Variants in CSTPP1 observed in about 807,000 individuals in gnomAD.
CSTPP1 encodes UPF0705 protein C11orf49.
the CSTPP1 span, chr11:47,164,232 CGGTGGGA>C: frequency 6.2e-7 from 1 of 1,613,442 alleles, no homozygotes; most frequent in Non-Finnish European, 8.5e-7. Flanking sequence ...CTACCATTAC[CGGTGGGA>C]GCCCAGAGAG....
At chr11:47,076,283 G>C in the CSTPP1 span, among the ~76,000 whole-genome samples, 1 of 152,144 alleles carries the variant, frequency 6.6e-6, no homozygotes, top group Non-Finnish European at 1.5e-5. Context: ...TATACCCCAG[G>C]TGGGATTCTG....
the CSTPP1 span, among the ~76,000 whole-genome samples, chr11:47,069,711 T>C: frequency 6.6e-6 from 1 of 152,152 alleles, no homozygotes; most frequent in African/African-American, 2.4e-5. Flanking sequence ...TATTTTATTA[T>C]TATTATTTTT....
At chr11:46,965,782 C>T in the CSTPP1 span, among the ~76,000 whole-genome samples, 1 of 152,140 alleles carries the variant, frequency 6.6e-6, no homozygotes, top group Non-Finnish European at 1.5e-5. Context: ...GTATTTATTT[C>T]ACCAAAACTA....
chr11:47,051,103 A>AC, the CSTPP1 span, among the ~76,000 whole-genome samples: 242 of 152,228 alleles, frequency 1.6e-3, 2 homozygotes, highest in Admixed American at 4.6e-3. Context: ...TCAGAGTCAG[A>AC]TTTTTCCCCC....
the CSTPP1 span, among the ~76,000 whole-genome samples, chr11:47,010,109 G>A: frequency 1.3e-5 from 2 of 152,152 alleles, no homozygotes; most frequent in African/African-American, 4.8e-5. Flanking sequence ...TCACAGAATA[G>A]TGACATTAAT....
chr11:47,162,844 C>T, the CSTPP1 span, among the ~76,000 whole-genome samples: 107 of 152,276 alleles, frequency 7.0e-4, no homozygotes, highest in African/African-American at 2.5e-3. Context: ...GAACTGCCTC[C>T]CAAACCCCTG....
chr11:46,985,237 C>T, the CSTPP1 span, among the ~76,000 whole-genome samples: 1 of 152,096 alleles, frequency 6.6e-6, no homozygotes. Context: ...AACCTTAGGT[C>T]ACCGCGATCA....
At chr11:46,976,907 C>A in the CSTPP1 span, among the ~76,000 whole-genome samples, 1 of 152,130 alleles carries the variant, frequency 6.6e-6, no homozygotes, top group Admixed American at 6.5e-5. Flanking sequence ...TTGGAAAAAA[C>A]CCTCACTTTT....
the CSTPP1 span, among the ~76,000 whole-genome samples, chr11:47,112,870 T>C: frequency 2.0e-5 from 3 of 152,318 alleles, no homozygotes; most frequent in Admixed American, 1.3e-4. Flanking sequence ...TTTTAAGTTC[T>C]AGGGTACATG....
the CSTPP1 span, among the ~76,000 whole-genome samples, chr11:46,988,052 A>G: frequency 6.6e-6 from 1 of 152,098 alleles, no homozygotes; most frequent in Non-Finnish European, 1.5e-5. Context: ...TATCCTAAAG[A>G]CAGGCAATAA....
chr11:46,990,401 A>G, the CSTPP1 span, among the ~76,000 whole-genome samples: 1 of 152,154 alleles, frequency 6.6e-6, no homozygotes, highest in Non-Finnish European at 1.5e-5. Flanking sequence ...ATGAGTGATA[A>G]TGAGCATTTT....
the CSTPP1 span, among the ~76,000 whole-genome samples, chr11:47,136,413 G>C: frequency 6.6e-6 from 1 of 152,148 alleles, no homozygotes; most frequent in Non-Finnish European, 1.5e-5. Context: ...AAACCATCTT[G>C]ATCCTTTGAC....
the CSTPP1 span, among the ~76,000 whole-genome samples, chr11:47,084,790 C>T: frequency 6.6e-6 from 1 of 152,012 alleles, no homozygotes; most frequent in Non-Finnish European, 1.5e-5. Context: ...TTTTCTTTTT[C>T]AAGATTGTTT....
the CSTPP1 span, among the ~76,000 whole-genome samples, chr11:47,018,509 G>A: frequency 6.6e-6 from 1 of 151,926 alleles, no homozygotes; most frequent in African/African-American, 2.4e-5. Context: ...TGGCCAGGCT[G>A]GTCTTGAACT....
At chr11:46,991,093 CCTTTT>C in the CSTPP1 span, among the ~76,000 whole-genome samples, 1 of 151,990 alleles carries the variant, frequency 6.6e-6, no homozygotes. Context: ...GATTCTCTTT[CCTTTT>C]CTTCTGGTTT....
the CSTPP1 span, among the ~76,000 whole-genome samples, chr11:46,948,931 G>A: frequency 3.9e-5 from 6 of 152,196 alleles, no homozygotes; most frequent in Admixed American, 3.9e-4. Context: ...CCATGGTCTA[G>A]TGTTAATCTC....
At chr11:47,117,103 G>T in the CSTPP1 span, among the ~76,000 whole-genome samples, 1 of 152,192 alleles carries the variant, frequency 6.6e-6, no homozygotes. Context: ...GCCAGTCTGT[G>T]TCTTTTAATT....
chr11:47,164,278 AGGCAG>A, the CSTPP1 span: 1 of 1,600,382 alleles, frequency 6.2e-7, no homozygotes, highest in Non-Finnish European at 8.5e-7. Flanking sequence ...CTGGGCAGGG[AGGCAG>A]GATCCAGAGG....
At chr11:47,078,647 AGAAG>A in the CSTPP1 span, among the ~76,000 whole-genome samples, 1 of 152,194 alleles carries the variant, frequency 6.6e-6, no homozygotes, top group South Asian at 2.1e-4. Context: ...TTTCTCTGAA[AGAAG>A]GAAGGAAGAG....
Sources: gnomAD v4.1 joint callset for allele counts (sites outside exome capture counted in the v4.1 genomes callset) on GRCh38, gnomAD v4.1.1 for gene constraint, MANE v1.5 for transcripts, NCBI Gene and HGNC (gene_info 2026-07-23, HGNC 2026-07-21) for gene names.